GALNT15: variants seen among roughly 807,000 people sequenced by gnomAD.
The protein encoded by GALNT15 is polypeptide N-acetylgalactosaminyltransferase 15, also known as UDP-GalNAc transferase T15.
A neutral mutation model predicts 66.8 loss-of-function variants in GALNT15; 67 were observed. That is an observed-to-expected ratio of 1.00 (90% CI 0.82 to 1.23). The LOEUF (loss-of-function observed/expected upper bound fraction) is 1.23, where lower values mean the gene tolerates loss of function less well. Ranked by LOEUF, GALNT15 falls within the 50% of genes most tolerant of loss-of-function variation. The probability of loss-of-function intolerance (pLI) is 0.00; values close to 1 mark genes in which losing one functional copy is unlikely to be tolerated. For missense variants in GALNT15, 827 were observed against 804.3 expected (o/e 1.03, Z -0.34); for synonymous variants, 313 against 311.5 (o/e 1.00, Z -0.05).
rs2124837190 is a variant in GALNT15 at position 16,180,238 on chromosome 3, T to C, written c.539+4548T>C. Among the ~76,000 whole-genome samples the C allele has an allele frequency of 6.6e-6, 1 of 152,280 alleles. No individual in the cohort carries two copies. The highest frequency in any genetic ancestry group is 2.1e-4 in the South Asian group (1 of 4,830). ...GCTGCTGCTCCCAATCCAGAGACAC[T>C]TTGAGAACCTCTGCTCTAAGGCACA... On this transcript the variant is annotated intron_variant, in intron 1 of 9. Coordinates refer to ENST00000339732, the MANE Select transcript of GALNT15 (RefSeq NM_054110.5). The surrounding 1 kb of genome is among the most constrained non-coding windows in gnomAD (Gnocchi z 5.0).
At chr3:16,236,710 C>T (rs1042495247), downstream of GALNT15, among the ~76,000 whole-genome samples, 1 of 152,170 alleles carries the variant, frequency 6.6e-6, no homozygotes, top group Non-Finnish European at 1.5e-5. Flanking sequence ...TGAGCACACT[C>T]CAGTCCTTTT....
rs556744979 is a variant in GALNT15 at position 16,225,863 on chromosome 3, A to G, written c.1774-1491A>G. On this transcript the variant is annotated intron_variant, in intron 9 of 9. Coordinates refer to ENST00000339732, the MANE Select transcript of GALNT15 (RefSeq NM_054110.5). This position sits in a 1 kb window ranked among gnomAD's most constrained non-coding sequence, Gnocchi z 4.4. ...ACCAGCCTGGCCAATATGGGTTTTT[A>G]GTAGAGAAAACCCATCTCTACTAAA... Among the ~76,000 whole-genome samples, 1 of 152,008 alleles carries G rather than the reference A, an allele frequency of 6.6e-6. No individual in the cohort carries two copies. The highest frequency in any genetic ancestry group is 6.6e-5 in the Admixed American group (1 of 15,248).
At chr3:16,194,367 C>A (rs1445779853) in intron 1 of GALNT15, among the ~76,000 whole-genome samples, 2 of 152,200 alleles carry the variant, frequency 1.3e-5, no homozygotes, top group African/African-American at 4.8e-5. Context: ...CCTTTGCCCT[C>A]TTTTTAATGG....
At chr3:16,244,352 C>T in the GALNT15 span, among the ~76,000 whole-genome samples, 2 of 152,190 alleles carry the variant, frequency 1.3e-5, no homozygotes, top group East Asian at 3.9e-4. Context: ...TAAATGGAGC[C>T]TGGCTGCCAG....
rs527486760 is a variant in GALNT15, at chr3:16,229,094, C to G, written c.*1594C>G. 5.1e-6 allele frequency: 5 copies of G among 985,438 alleles called. No homozygotes were observed. In the African/African-American group the frequency reaches 5.2e-5, roughly 10 times the overall value. 61.0% of individuals were successfully genotyped at this position (985,438 alleles called of 1,614,324 possible). A position where few individuals can be genotyped will look rare whatever the true frequency, so the allele number is the denominator to read the frequency against. On this transcript the variant is annotated 3_prime_UTR_variant, in exon 10 of 10. Coordinates refer to ENST00000339732, the MANE Select transcript of GALNT15 (RefSeq NM_054110.5). Reference sequence around the variant, plus strand: ...ACATGGTCAGCTTAGAAATCTTCCCCTAAAGATGCTAATCTCCTTTGGGCT... The same window carrying G: ...ACATGGTCAGCTTAGAAATCTTCCCGTAAAGATGCTAATCTCCTTTGGGCT...
chr3:16,202,716 G>A (rs968630086), intron 3 of GALNT15, among the ~76,000 whole-genome samples: 7 of 152,204 alleles, frequency 4.6e-5, no homozygotes, highest in South Asian at 2.1e-4. Context: ...AAATCAGAGC[G>A]ATGTCTATCA....
chr3:16,196,635 G>C (rs1218086518), intron 2 of GALNT15, among the ~76,000 whole-genome samples: 3 of 152,176 alleles, frequency 2.0e-5, no homozygotes, highest in African/African-American at 7.2e-5. Context: ...AAATACTACT[G>C]CAGGGCCCAC....
chr3:16,242,964 G>A, the GALNT15 span, among the ~76,000 whole-genome samples: 1 of 152,086 alleles, frequency 6.6e-6, no homozygotes, highest in African/African-American at 2.4e-5. The surrounding 1 kb of genome is among the most constrained non-coding windows in gnomAD (Gnocchi z 5.6). Context: ...AGATAGGCAG[G>A]GAAGAAAAGT....
At chr3:16,244,396 C>T in the GALNT15 span, among the ~76,000 whole-genome samples, 1 of 152,208 alleles carries the variant, frequency 6.6e-6, no homozygotes, top group Non-Finnish European at 1.5e-5. Flanking sequence ...GGGGCAGACT[C>T]TGCTGCTGGC....
chr3:16,200,872 C>A lies in GALNT15; in HGVS notation c.911+49C>A. 7.0e-7 allele frequency: 1 copy of A among 1,437,166 alleles called. No homozygotes were observed. The highest frequency in any genetic ancestry group is 2.1e-5 in the Admixed American group (1 of 48,346). The allele number at this position is 1,437,166 out of a possible 1,614,324, so 89.0% of individuals were successfully genotyped here. ...AAGCAAGACATGGAACTGGGAGAAA[C>A]AGTCTACAGCATCAGCCACTCACAG... On this transcript the variant is annotated intron_variant, in intron 3 of 9. Transcript: ENST00000339732. This position sits in a 1 kb window ranked among gnomAD's most constrained non-coding sequence, Gnocchi z 4.4.
chr3:16,191,568 G>A lies in GALNT15; in HGVS notation c.540-4192G>A, dbSNP rs1351216957. On this transcript the variant is annotated intron_variant, in intron 1 of 9. Transcript: ENST00000339732. This position sits in a 1 kb window ranked among gnomAD's most constrained non-coding sequence, Gnocchi z 5.2. ...GTGTCCACAACCTGAGTTACCAGGTGAGACTGCCACCCGGCAGAGAATGTT... is the reference window on the plus strand; with the variant it reads ...GTGTCCACAACCTGAGTTACCAGGTAAGACTGCCACCCGGCAGAGAATGTT... Among the ~76,000 whole-genome samples, 1 of 152,248 alleles carries A rather than the reference G, an allele frequency of 6.6e-6. No individual in the cohort carries two copies. Among genetic ancestry groups the A allele is most frequent in the African/African-American group, 2.4e-5 (1 of 41,462 alleles).
chr3:16,232,469 A>AATAAATAAATAAATAAATAAATAT (rs1553689248), downstream of GALNT15, among the ~76,000 whole-genome samples: 3 of 38,754 alleles, frequency 7.7e-5, no homozygotes, highest in African/African-American at 2.4e-4. Flanking sequence ...TAAATAAATA[A>AATAAATAAATAAATAAATAAATAT]ATATATATAT....
At position 16,181,474 on chromosome 3, in the gene GALNT15, G is replaced by A. The variant is rs1297606784; in HGVS notation, c.539+5784G>A. Among the ~76,000 whole-genome samples the A allele has an allele frequency of 6.6e-6, 1 of 152,062 alleles. No homozygotes were observed. The highest frequency in any genetic ancestry group is 2.4e-5 in the African/African-American group (1 of 41,398). ...AATGGGCAAGGGGTCAGAGGGAAGGGCAGGGGCGGGAGAGTCGCCTTGGCT... is the reference window on the plus strand; with the variant it reads ...AATGGGCAAGGGGTCAGAGGGAAGGACAGGGGCGGGAGAGTCGCCTTGGCT... On this transcript the variant is annotated intron_variant, in intron 1 of 9. Transcript: ENST00000339732. This position sits in a 1 kb window ranked among gnomAD's most constrained non-coding sequence, Gnocchi z 5.9.
chr3:16,195,932 C>A lies in GALNT15; in HGVS notation c.706+6C>A. 6.2e-7 allele frequency: 1 copy of A among 1,613,860 alleles called. No homozygotes were observed. The highest frequency in any genetic ancestry group is 2.2e-5 in the East Asian group (1 of 44,876). Reference sequence around the variant, plus strand: ...GGACGACCTCAGCCAGCAAGGTAGCCACGGCTTTCCTCCAGGCTCGTCTGG... The same window carrying A: ...GGACGACCTCAGCCAGCAAGGTAGCAACGGCTTTCCTCCAGGCTCGTCTGG... On this transcript the variant is annotated splice_donor_region_variant and intron_variant, in intron 2 of 9. Transcript: ENST00000339732. The surrounding 1 kb of genome is among the most constrained non-coding windows in gnomAD (Gnocchi z 4.6).
rs1236807229 is a variant in GALNT15, at chr3:16,219,546, C to G, written c.1524+12C>G. 1 of 1,613,036 alleles carries G rather than the reference C, an allele frequency of 6.2e-7. No homozygotes were observed. Among genetic ancestry groups the G allele is most frequent in the Non-Finnish European group, 8.5e-7 (1 of 1,179,668 alleles). ...GTTTCTCTGGAAAGGCAAGGCATGA[C>G]CCAGGGAAGATGGGGAGGGACAGGG... On this transcript the variant is annotated intron_variant, in intron 7 of 9. Coordinates refer to ENST00000339732, the MANE Select transcript of GALNT15 (RefSeq NM_054110.5). This position sits in a 1 kb window ranked among gnomAD's most constrained non-coding sequence, Gnocchi z 4.3.
chr3:16,232,133 T>G (rs73818327), downstream of GALNT15: 11 of 448,172 alleles, frequency 2.5e-5, no homozygotes, highest in East Asian at 5.2e-5. Context: ...CATATGGCTA[T>G]AGTGGGAGCT....
intron 1 of GALNT15, among the ~76,000 whole-genome samples, chr3:16,185,730 A>C (rs2063509347): frequency 1.3e-5 from 2 of 148,908 alleles, no homozygotes; most frequent in Non-Finnish European, 3.0e-5. Context: ...ACTGTAGTCC[A>C]AGATGGTGAT....
intron 6 of GALNT15, among the ~76,000 whole-genome samples, chr3:16,214,513 G>A (rs916472833): frequency 6.6e-6 from 1 of 152,164 alleles, no homozygotes; most frequent in Admixed American, 6.5e-5. Context: ...CTGCTTGTGT[G>A]TTTACTATTA....
chr3:16,218,806 CTCTCTTT>C (rs1230013913), intron 6 of GALNT15, among the ~76,000 whole-genome samples: 1 of 136,372 alleles, frequency 7.3e-6, no homozygotes, highest in African/African-American at 2.9e-5. Context: ...CTCTCTCTCT[CTCTCTTT>C]TTTTTTTTTT....
Sources: gnomAD v4.1 joint callset for allele counts (sites outside exome capture counted in the v4.1 genomes callset) on GRCh38, gnomAD v4.1.1 for gene constraint, Gnocchi (gnomAD v3.1) non-coding constraint, MANE v1.5 for transcripts, NCBI Gene and HGNC (gene_info 2026-07-23, HGNC 2026-07-21) for gene names.